The following IMMP2L variants were observed in gnomAD, a reference collection of about 807,000 sequenced individuals.
IMMP2L encodes inner mitochondrial membrane peptidase subunit 2, also known as mitochondrial inner membrane protease subunit 2.
A neutral mutation model predicts 19.3 loss-of-function variants in IMMP2L; 18 were observed. That is an observed-to-expected ratio of 0.93 (90% confidence interval 0.64 to 1.38). IMMP2L has a LOEUF of 1.38. Ranked by LOEUF, IMMP2L falls within the 40% of genes most tolerant of loss-of-function variation. The pLI is 0.00. For missense variants in IMMP2L, 233 were observed against 218.2 expected (o/e 1.07, Z -0.43); for synonymous variants, 76 against 73.0 (o/e 1.04, Z -0.21).
chr7:111,489,036 C>CTTTTTTTTT (rs35930780), intron 2 of IMMP2L, among the ~76,000 whole-genome samples: 10 of 87,180 alleles, frequency 1.1e-4, no homozygotes, highest in Non-Finnish European at 1.5e-4. Flanking sequence ...CCTCAATCCA[C>CTTTTTTTTT]TTTTTTTTTT....
chr7:110,798,442 C>T (rs976207165), intron 5 of IMMP2L, among the ~76,000 whole-genome samples: 1 of 151,918 alleles, frequency 6.6e-6, no homozygotes, highest in Non-Finnish European at 1.5e-5. Context: ...CCCATACTAC[C>T]TGACTCATAG....
chr7:111,169,270 C>T (rs1404595778), intron 3 of IMMP2L, among the ~76,000 whole-genome samples: 1 of 151,844 alleles, frequency 6.6e-6, no homozygotes. Flanking sequence ...GATCCCAATT[C>T]CCAACTCTTT....
intron 3 of IMMP2L, among the ~76,000 whole-genome samples, chr7:110,978,519 A>C (rs1257174384): frequency 6.6e-6 from 1 of 152,022 alleles, no homozygotes. Flanking sequence ...TTCACTTAAA[A>C]AAAAATCAAT....
intron 3 of IMMP2L, among the ~76,000 whole-genome samples, chr7:111,220,535 TAA>T (rs1812396679): frequency 6.6e-6 from 1 of 151,932 alleles, no homozygotes; most frequent in Non-Finnish European, 1.5e-5. Context: ...TCATTTGAGA[TAA>T]AAAGTTTTCT....
rs145367165 is a variant in IMMP2L, at chr7:111,184,262, C to T, written c.240-220697G>A. Among the ~76,000 whole-genome samples, 815 of 151,830 alleles carry T rather than the reference C, an allele frequency of 5.4e-3. 14 individuals carry two copies. The highest frequency in any genetic ancestry group is 0.019 in the African/African-American group (782 of 41,384). On this transcript the variant is annotated intron_variant, in intron 3 of 5. Transcript: ENST00000405709. Reference sequence around the variant, plus strand: ...AAAATAATGGAAATGAGTCAATAAGCAAATGTTATTCTATATTCTTTAATC... The same window carrying T: ...AAAATAATGGAAATGAGTCAATAAGTAAATGTTATTCTATATTCTTTAATC...
chr7:110,713,766 T>G (rs1324164053), intron 5 of IMMP2L, among the ~76,000 whole-genome samples: 1 of 152,148 alleles, frequency 6.6e-6, no homozygotes, highest in African/African-American at 2.4e-5. Flanking sequence ...ACAGAAATGT[T>G]ACTGATTTTT....
At chr7:110,699,763 CAA>C (rs55970868) in intron 5 of IMMP2L, among the ~76,000 whole-genome samples, 1,821 of 137,926 alleles carry the variant, frequency 0.013, 36 homozygotes, top group African/African-American at 0.04. Context: ...GACTCTACCT[CAA>C]AAAAAAAAAA....
chr7:110,762,116 A>T (rs1798383947), intron 5 of IMMP2L, among the ~76,000 whole-genome samples: 1 of 152,152 alleles, frequency 6.6e-6, no homozygotes, highest in South Asian at 2.1e-4. Context: ...AAGGCATTTA[A>T]AAGATTTAAT....
intron 3 of IMMP2L, among the ~76,000 whole-genome samples, chr7:111,155,254 T>C (rs1316372122): frequency 6.6e-6 from 1 of 152,058 alleles, no homozygotes; most frequent in Admixed American, 6.6e-5. Flanking sequence ...GTGTGTGTCG[T>C]TACTTTGGGG....
At chr7:110,929,175 C>T (rs1815202834) in intron 4 of IMMP2L, among the ~76,000 whole-genome samples, 1 of 152,102 alleles carries the variant, frequency 6.6e-6, no homozygotes, top group Admixed American at 6.6e-5. Context: ...ATCAAATTTG[C>T]AAGCTATTTG....
intron 3 of IMMP2L, among the ~76,000 whole-genome samples, chr7:111,234,193 G>T (rs571239521): frequency 2.2e-4 from 33 of 152,088 alleles, no homozygotes; most frequent in African/African-American, 6.3e-4. Flanking sequence ...TTATTTAGAG[G>T]AGAGTCATTT....
At chr7:110,776,556 T>A (rs17157949) in intron 5 of IMMP2L, among the ~76,000 whole-genome samples, 9,771 of 152,082 alleles carry the variant, frequency 0.064, 1,042 homozygotes, top group African/African-American at 0.22. Flanking sequence ...TTAAAGCTAA[T>A]TGTTGGAGTA....
intron 5 of IMMP2L, among the ~76,000 whole-genome samples, chr7:110,819,730 C>G (rs907738430): frequency 3.3e-5 from 5 of 151,950 alleles, no homozygotes; most frequent in African/African-American, 1.2e-4. Context: ...TAGAGGAGCT[C>G]AGAATGGGGA....
intron 4 of IMMP2L, among the ~76,000 whole-genome samples, chr7:110,921,424 T>A (rs1029514765): frequency 6.6e-6 from 1 of 152,164 alleles, no homozygotes; most frequent in African/African-American, 2.4e-5. Flanking sequence ...TCTTCCACCA[T>A]CTAACATCAA....
chr7:110,820,655 C>A (rs1270037455), intron 5 of IMMP2L, among the ~76,000 whole-genome samples: 1 of 151,818 alleles, frequency 6.6e-6, no homozygotes, highest in African/African-American at 2.4e-5. Context: ...TGACCTTTAG[C>A]AAATTTATCA....
chr7:111,519,566 G>T (rs549481046), intron 2 of IMMP2L, among the ~76,000 whole-genome samples: 1 of 152,174 alleles, frequency 6.6e-6, no homozygotes, highest in South Asian at 2.1e-4. Flanking sequence ...GAAATAACAT[G>T]ATTTAACACT....
chr7:111,178,822 T>A (rs141745799), intron 3 of IMMP2L, among the ~76,000 whole-genome samples: 1,547 of 152,198 alleles, frequency 0.01, 44 homozygotes, highest in Admixed American at 0.048. Context: ...AGTTACTCTC[T>A]CCACTTATGT....
chr7:111,334,442 C>A (rs1826195833), intron 3 of IMMP2L, among the ~76,000 whole-genome samples: 1 of 152,008 alleles, frequency 6.6e-6, no homozygotes, highest in East Asian at 1.9e-4. Context: ...ATATATACCA[C>A]ATTTTCTTTA....
chr7:110,778,359 C>T (rs1443489450), intron 5 of IMMP2L, among the ~76,000 whole-genome samples: 2 of 151,834 alleles, frequency 1.3e-5, no homozygotes, highest in African/African-American at 2.4e-5. Flanking sequence ...ACTTAAGGAA[C>T]ATGTATTTAG....
Sources: gnomAD v4.1 joint callset for allele counts (sites outside exome capture counted in the v4.1 genomes callset) on GRCh38, gnomAD v4.1.1 for gene constraint, MANE v1.5 for transcripts, NCBI Gene and HGNC (gene_info 2026-07-23, HGNC 2026-07-21) for gene names.